The following ARHGEF18 variants were observed in gnomAD, a reference collection of about 807,000 sequenced individuals.
ARHGEF18 encodes the protein Rho/Rac guanine nucleotide exchange factor 18, also known as rho guanine nucleotide exchange factor 18.
In ARHGEF18, 93 loss-of-function variants were observed where a neutral mutation model predicts 155.7. The ratio of observed to expected loss-of-function variants is 0.60; its 90% CI spans 0.50 to 0.71. The LOEUF (loss-of-function observed/expected upper bound fraction) is 0.71. Ranked by LOEUF, ARHGEF18 falls within the 30% of genes least tolerant of loss-of-function variation. The probability of loss-of-function intolerance (pLI) is 0.00; values close to 1 mark genes in which losing one functional copy is unlikely to be tolerated. For synonymous variants in ARHGEF18, 742 were observed against 753.1 expected, an observed-to-expected ratio of 0.99 and a Z score of 0.24; for missense variants, 1,593 against 1,816.1, an observed-to-expected ratio of 0.88 and a Z score of 2.23.
In ARHGEF18 at chr19:7,349,215, G is replaced by A. The variant is rs73923357; in HGVS notation, c.-137G>A. On this transcript the variant is annotated 5_prime_UTR_variant, in exon 1 of 29. Coordinates refer to ENST00000668164, the MANE Select transcript of ARHGEF18 (RefSeq NM_001367823.1). ...GAGCTGTTAGCCAGGCTAGGTGCCT[G>A]CAGGTTGAAGAACTGAGCTCTATCT... 3,319 of 152,402 alleles carry A rather than the reference G, an allele frequency of 0.022. 108 individuals carry two copies. The highest frequency in any genetic ancestry group is 0.074 in the African/African-American group (3,070 of 41,570). The allele number at this position is 152,402 out of a possible 1,614,324, so 9.4% of individuals were successfully genotyped here.
In ARHGEF18 at chr19:7,375,414, A is replaced by C. The variant is rs955544839; in HGVS notation, c.276-306A>C. Among the ~76,000 whole-genome samples, 3 of 150,960 alleles carry C rather than the reference A, an allele frequency of 2.0e-5. No individual in the cohort carries two copies. In the Admixed American group the frequency reaches 2.0e-4, roughly 10 times the overall value. ...AGGAAGGAAGAAAGGAAGGAAGAAA[A>C]GGAAGGAAGAAAGGAAGGAAGAAAA... On this transcript the variant is annotated intron_variant, in intron 3 of 28. Coordinates refer to ENST00000668164, the MANE Select transcript of ARHGEF18 (RefSeq NM_001367823.1).
chr19:7,362,016 G>C (rs1455385734), intron 1 of ARHGEF18, among the ~76,000 whole-genome samples: 1 of 37,286 alleles, frequency 2.7e-5, no homozygotes, highest in Admixed American at 2.0e-4. Context: ...AGAAGAAGAA[G>C]GAGAAGGAGA....
At chr19:7,381,147 G>A (rs895974431) in intron 8 of ARHGEF18, among the ~76,000 whole-genome samples, 153 bp downstream of exon 8, 2 of 152,152 alleles carry the variant, frequency 1.3e-5, no homozygotes, top group African/African-American at 4.8e-5. Flanking sequence ...GAGGGATGAG[G>A]CTCCCGTATA....
chr19:7,436,547 G>A (rs1379604741), intron 10 of ARHGEF18, among the ~76,000 whole-genome samples: 2 of 151,998 alleles, frequency 1.3e-5, no homozygotes, highest in East Asian at 3.9e-4. Context: ...CAAAGTGCTG[G>A]GATTACAGGT....
intron 1 of ARHGEF18, among the ~76,000 whole-genome samples, chr19:7,349,587 G>A (rs911540767): frequency 1.3e-5 from 2 of 151,860 alleles, no homozygotes; most frequent in Non-Finnish European, 2.9e-5. Flanking sequence ...AGACCAGCCC[G>A]GCCAACATGG....
chr19:7,450,956 G>C (rs895280546), intron 15 of ARHGEF18, among the ~76,000 whole-genome samples, 193 bp from the exon 16 acceptor site: 1 of 152,144 alleles, frequency 6.6e-6, no homozygotes, highest in East Asian at 1.9e-4. Context: ...TGTTAATGCG[G>C]GATCTTGCTG....
intron 10 of ARHGEF18, among the ~76,000 whole-genome samples, chr19:7,407,806 CA>C (rs994219986): frequency 1.3e-5 from 2 of 151,370 alleles, no homozygotes; most frequent in African/African-American, 4.9e-5. Context: ...ACTGAAAATA[CA>C]AAAAAACTAG....
rs903335905 is a variant in ARHGEF18 at position 7,462,420 on chromosome 19, T to C, written c.2635+86T>C. The C allele has an allele frequency of 2.1e-6, 3 of 1,409,778 alleles. No individual in the cohort carries two copies. Among genetic ancestry groups the C allele is most frequent in the Non-Finnish European group, 1.9e-6 (2 of 1,068,238 alleles). 87.3% of individuals were successfully genotyped at this position (1,409,778 alleles called of 1,614,324 possible). ...CCCAGGCCAGGCTCACGGCTCATTG[T>C]GGCCGACACGGCACCCTGTCCAGGA... On this transcript the variant is annotated intron_variant, in intron 21 of 28. Transcript: ENST00000668164. The surrounding 1 kb of genome is among the most constrained non-coding windows in gnomAD (Gnocchi z 4.4).
chr19:7,364,110 T>C (rs1246206564), intron 2 of ARHGEF18, among the ~76,000 whole-genome samples: 1 of 143,066 alleles, frequency 7.0e-6, no homozygotes, highest in Non-Finnish European at 1.5e-5. Flanking sequence ...GAAGAGTGAG[T>C]GGAAGGAAGG....
At chr19:7,351,644 C>G (rs76617145) in intron 1 of ARHGEF18, among the ~76,000 whole-genome samples, 2,938 of 150,314 alleles carry the variant, frequency 0.02, 80 homozygotes, top group African/African-American at 0.066. Flanking sequence ...CTTAAGGATC[C>G]CATCCAGCCA....
chr19:7,362,219 G>A (rs576120853), intron 1 of ARHGEF18, among the ~76,000 whole-genome samples: 1 of 144,118 alleles, frequency 6.9e-6, no homozygotes, highest in East Asian at 2.1e-4. Context: ...AAAAGAAGAG[G>A]AAGAAGAGGA....
intron 1 of ARHGEF18, among the ~76,000 whole-genome samples, chr19:7,350,769 T>G (rs1345682386): frequency 5.2e-4 from 3 of 5,734 alleles, no homozygotes; most frequent in South Asian, 8.3e-3. Flanking sequence ...TTGGGGTGGG[T>G]GTGTGTGTGT....
At chr19:7,360,608 G>A (rs1969507399) in intron 1 of ARHGEF18, among the ~76,000 whole-genome samples, 1 of 152,166 alleles carries the variant, frequency 6.6e-6, no homozygotes, top group Non-Finnish European at 1.5e-5. Context: ...ATGAGGTCCT[G>A]CAGGCTACAG....
At chr19:7,392,371 C>T (rs1971453576) in intron 10 of ARHGEF18, among the ~76,000 whole-genome samples, 1 of 151,690 alleles carries the variant, frequency 6.6e-6, no homozygotes, top group Non-Finnish European at 1.5e-5. Context: ...GGGCTGTGTC[C>T]ACCTGAAGTT....
chr19:7,408,431 G>T (rs1406642540), intron 10 of ARHGEF18, among the ~76,000 whole-genome samples: 1 of 151,648 alleles, frequency 6.6e-6, no homozygotes, highest in African/African-American at 2.4e-5. Context: ...AAAACAGGTG[G>T]CCAGCCCACA....
chr19:7,398,622 C>T (rs762190926), intron 10 of ARHGEF18, among the ~76,000 whole-genome samples: 9 of 149,972 alleles, frequency 6.0e-5, no homozygotes, highest in Non-Finnish European at 1.2e-4. Flanking sequence ...ACCCGCAAGG[C>T]AGAGGTTGCA....
intron 10 of ARHGEF18, among the ~76,000 whole-genome samples, chr19:7,385,094 T>C (rs1023225546): frequency 1.3e-5 from 2 of 152,208 alleles, no homozygotes; most frequent in African/African-American, 4.8e-5. Flanking sequence ...TGTTCTCTTC[T>C]GCAGGGGATG....
intron 10 of ARHGEF18, among the ~76,000 whole-genome samples, chr19:7,429,625 A>G (rs938467386): frequency 1.3e-5 from 2 of 152,190 alleles, no homozygotes; most frequent in Non-Finnish European, 2.9e-5. Flanking sequence ...ATAAATAAAA[A>G]TAAACAGGCA....
chr19:7,407,961 CAAAAAAAAAAAAA>C lies in ARHGEF18; in HGVS notation c.967+24772_967+24784del, dbSNP rs71179104. ...TGGGCAACAGAGCGAGACTCCGTCTCAAAAAAAAAAAAAAAAAAAAAAAAAAGAGGTAGTAGGC... is the reference window on the plus strand; with the variant it reads ...TGGGCAACAGAGCGAGACTCCGTCTCAAAAAAAAAAAAAGAGGTAGTAGGC... On this transcript the variant is annotated intron_variant, in intron 10 of 28. Transcript: ENST00000668164. Among the ~76,000 whole-genome samples, 13 of 48,824 alleles carry C rather than the reference CAAAAAAAAAAAAA, an allele frequency of 2.7e-4. No homozygotes were observed. The East Asian group carries it at 6.4e-3, about 24-fold the overall frequency. The allele number at this position is 48,824 out of a possible 152,430, so 32.0% of individuals were successfully genotyped here. A position where few individuals can be genotyped will look rare whatever the true frequency, so the allele number is the denominator to read the frequency against.
Sources: allele counts gnomAD v4.1 joint callset (sites outside exome capture counted in the v4.1 genomes callset), GRCh38; gene constraint gnomAD v4.1.1; non-coding constraint Gnocchi (gnomAD v3.1); transcripts MANE v1.5; gene names NCBI Gene and HGNC (gene_info 2026-07-23, HGNC 2026-07-21).